Variants in HDAC9 observed in about 807,000 individuals in gnomAD.
The protein encoded by HDAC9 is MEF-2 interacting transcription repressor (MITR) protein.
A neutral mutation model predicts 139.4 loss-of-function variants in HDAC9; 41 were observed. The observed-to-expected ratio is 0.29, with a 90% CI of 0.23 to 0.38. The LOEUF is 0.38. HDAC9 is among the 10% of genes least tolerant of loss of function. The pLI is 1.00. For missense variants in HDAC9, 1,147 were observed against 1,297.0 expected (o/e 0.88, Z 1.78); for synonymous variants, 517 against 476.2 (o/e 1.09, Z -1.12).
At chr7:18,475,029 A>T (rs1365079575) in intron 1 of HDAC9, among the ~76,000 whole-genome samples, 2 of 152,260 alleles carry the variant, frequency 1.3e-5, no homozygotes, top group Non-Finnish European at 2.9e-5. Context: ...AAAGTTCATT[A>T]TAGGCTGTGG....
chr7:18,476,820 G>C lies in HDAC9; in HGVS notation c.-41-19442G>C, dbSNP rs941768501. 2.6e-5 allele frequency among the ~76,000 whole-genome samples: 4 copies of C among 152,188 alleles called. No individual in the cohort carries two copies. In the East Asian group the frequency reaches 7.7e-4, roughly 29 times the overall value. Reference sequence around the variant, plus strand: ...TTATTATTTTGAACAACTAAGTTCTGGCTCCAGTTTTGTATTCCTACCTAG... The same window carrying C: ...TTATTATTTTGAACAACTAAGTTCTCGCTCCAGTTTTGTATTCCTACCTAG... On this transcript the variant is annotated intron_variant, in intron 1 of 3. Transcript: ENST00000413509.
intron 2 of HDAC9, among the ~76,000 whole-genome samples, chr7:18,166,844 G>A (rs919209286): frequency 3.9e-5 from 6 of 152,134 alleles, no homozygotes; most frequent in African/African-American, 9.7e-5. Flanking sequence ...ATATCATAAT[G>A]TCCAAGTGGG....
At chr7:18,096,674 A>G (rs948457283) in intron 1 of HDAC9, among the ~76,000 whole-genome samples, 4 of 152,192 alleles carry the variant, frequency 2.6e-5, no homozygotes, top group African/African-American at 7.2e-5. Context: ...TTTCTTCCAT[A>G]GCACTGTGTG....
At chr7:18,959,193 G>A (rs1001260108) in intron 24 of HDAC9, among the ~76,000 whole-genome samples, 1 of 152,040 alleles carries the variant, frequency 6.6e-6, no homozygotes, top group African/African-American at 2.4e-5. Context: ...CACAGATTTG[G>A]GAGGGGAGGA....
In HDAC9 at chr7:18,838,888, T is replaced by C. The variant is rs28562391; in HGVS notation, c.2684+2891T>C. Among the ~76,000 whole-genome samples the C allele has an allele frequency of 6.5e-3, 986 of 152,158 alleles. 12 individuals are homozygous for C. The highest frequency in any genetic ancestry group is 0.023 in the African/African-American group (937 of 41,542). ...TCGCTGCTTATTTTACTAGCCAAAA[T>C]TTGTCACATATATTGCCTTCATGGT... On this transcript the variant is annotated intron_variant, in intron 21 of 25. Transcript: ENST00000686413.
intron 1 of HDAC9, among the ~76,000 whole-genome samples, chr7:18,299,220 A>ATTTT (rs11438085): frequency 7.2e-6 from 1 of 139,000 alleles, no homozygotes; most frequent in Non-Finnish European, 1.6e-5. Context: ...AACTCTTAAG[A>ATTTT]TTTTTTTTTT....
rs1585082560 is a variant in HDAC9 at position 18,812,817 on chromosome 7, T to C, written c.2323-16344T>C. ...TCACTTCGGTATGGCCCACTGGACA[T>C]TGAGGACTCTGTTCATTTTCTTGAG... On this transcript the variant is annotated intron_variant, in intron 17 of 25. Coordinates refer to ENST00000686413, the MANE Select transcript of HDAC9 (RefSeq NM_178425.4). 2.0e-5 allele frequency among the ~76,000 whole-genome samples: 3 copies of C among 152,184 alleles called. 1 individual carries two copies. Among genetic ancestry groups the C allele is most frequent in the African/African-American group, 2.4e-5 (1 of 41,568 alleles).
At chr7:18,108,525 A>G (rs570298450) in intron 1 of HDAC9, among the ~76,000 whole-genome samples, 63 of 149,282 alleles carry the variant, frequency 4.2e-4, no homozygotes, top group African/African-American at 1.5e-3. Flanking sequence ...ATGAGAACTT[A>G]TTTTCTTTCT....
intron 12 of HDAC9, among the ~76,000 whole-genome samples, chr7:18,678,005 T>C (rs1169043813): frequency 1.3e-5 from 2 of 151,836 alleles, no homozygotes; most frequent in Non-Finnish European, 2.9e-5. Flanking sequence ...ACAGGTTGAG[T>C]TTCATTATCT....
intron 6 of HDAC9, among the ~76,000 whole-genome samples, chr7:18,594,982 A>G (rs1832074326): frequency 6.6e-6 from 1 of 152,108 alleles, no homozygotes; most frequent in African/African-American, 2.4e-5. Context: ...ATGATTTCAA[A>G]TAATTATATT....
chr7:18,889,281 C>T (rs919985437), intron 22 of HDAC9, among the ~76,000 whole-genome samples: 2 of 152,120 alleles, frequency 1.3e-5, no homozygotes, highest in African/African-American at 2.4e-5. Flanking sequence ...CTTCTCAGGT[C>T]AATTTTCCTG....
intron 17 of HDAC9, among the ~76,000 whole-genome samples, chr7:18,796,753 A>G (rs1270392484): frequency 6.6e-6 from 1 of 152,226 alleles, no homozygotes; most frequent in East Asian, 1.9e-4. Context: ...AGGACATTTT[A>G]GAAAGTATGT....
chr7:18,152,597 T>A (rs889984739), intron 1 of HDAC9, among the ~76,000 whole-genome samples: 1 of 152,182 alleles, frequency 6.6e-6, no homozygotes, highest in African/African-American at 2.4e-5. Context: ...ATCTGCATTT[T>A]CTGAGGGGTT....
At chr7:18,954,336 G>T (rs1388018674) in intron 24 of HDAC9, 106 bp downstream of exon 24, 1 of 889,210 alleles carries the variant, frequency 1.1e-6, no homozygotes, top group East Asian at 2.7e-5. Flanking sequence ...ATCATAATTT[G>T]CACATGCGTT....
chr7:18,722,334 G>T (rs536232023), intron 12 of HDAC9, among the ~76,000 whole-genome samples: 2 of 152,150 alleles, frequency 1.3e-5, no homozygotes, highest in African/African-American at 4.8e-5. Flanking sequence ...ATTCATTTAA[G>T]GGGGGTAACA....
intron 22 of HDAC9, among the ~76,000 whole-genome samples, chr7:18,899,667 C>G (rs1027021357): frequency 6.6e-6 from 1 of 151,884 alleles, no homozygotes; most frequent in Non-Finnish European, 1.5e-5. Flanking sequence ...GTTAATGATA[C>G]AGTCTTTAAA....
At chr7:18,298,614 T>G (rs755966208) in intron 1 of HDAC9, among the ~76,000 whole-genome samples, 4 of 152,210 alleles carry the variant, frequency 2.6e-5, no homozygotes, top group African/African-American at 9.6e-5. Context: ...GGACATGAAC[T>G]CATCAATTCT....
intron 22 of HDAC9, among the ~76,000 whole-genome samples, chr7:18,922,065 C>T: frequency 9.9e-6 from 1 of 100,564 alleles, no homozygotes. Flanking sequence ...ACATCACACA[C>T]TGGGGCCTGT....
At chr7:18,159,298 G>A (rs1053810945) in intron 1 of HDAC9, among the ~76,000 whole-genome samples, 2 of 152,184 alleles carry the variant, frequency 1.3e-5, no homozygotes, top group African/African-American at 4.8e-5. Context: ...CTGAAGGCGA[G>A]TTTCCTATTA....
Sources: gnomAD v4.1 joint callset for allele counts (sites outside exome capture counted in the v4.1 genomes callset) on GRCh38, gnomAD v4.1.1 for gene constraint, MANE v1.5 for transcripts, NCBI Gene and HGNC (gene_info 2026-07-23, HGNC 2026-07-21) for gene names.